Variants in LRP1B observed in about 807,000 individuals in gnomAD.
LRP1B encodes low-density lipoprotein receptor-related protein 1B.
In LRP1B, 217 loss-of-function variants were observed where a neutral mutation model predicts 556.6. The observed-to-expected ratio is 0.39, with a 90% CI of 0.35 to 0.44. The LOEUF (loss-of-function observed/expected upper bound fraction) is 0.44. Among genes scored for constraint, LRP1B ranks in the 20% least tolerant of loss-of-function variants. The probability of loss-of-function intolerance (pLI) is 1.00; values close to 1 mark genes in which losing one functional copy is unlikely to be tolerated. For synonymous variants in LRP1B, 2,047 were observed against 1,865.8 expected, an observed-to-expected ratio of 1.10 and a Z score of -2.50; for missense variants, 5,053 against 5,620.8, an observed-to-expected ratio of 0.90 and a Z score of 3.23.
At chr2:142,014,381 T>C (rs1005035659) in intron 1 of LRP1B, among the ~76,000 whole-genome samples, 5 of 152,156 alleles carry the variant, frequency 3.3e-5, no homozygotes, top group East Asian at 3.9e-4. Context: ...ATTTAGTAGC[T>C]TTTATTTGAA....
At chr2:140,732,134 C>T (rs536856885) in intron 35 of LRP1B, among the ~76,000 whole-genome samples, 2 of 151,220 alleles carry the variant, frequency 1.3e-5, no homozygotes, top group South Asian at 4.2e-4. Flanking sequence ...TGAATTGAAG[C>T]TGGTGATGGG....
intron 86 of LRP1B, among the ~76,000 whole-genome samples, chr2:140,259,249 T>G (rs1573697333): frequency 6.6e-6 from 1 of 152,042 alleles, no homozygotes; most frequent in Non-Finnish European, 1.5e-5. Flanking sequence ...CCTCTTATTC[T>G]CCATCTATTT....
At chr2:140,961,368 A>T (rs191680735) in intron 18 of LRP1B, among the ~76,000 whole-genome samples, 2 of 152,160 alleles carry the variant, frequency 1.3e-5, no homozygotes, top group African/African-American at 4.8e-5. Flanking sequence ...TAGGTCACAA[A>T]GCAGTCGCAA....
At chr2:140,309,679 TATA>T (rs1236291209) in intron 83 of LRP1B, among the ~76,000 whole-genome samples, 1 of 151,810 alleles carries the variant, frequency 6.6e-6, no homozygotes, top group Non-Finnish European at 1.5e-5. Context: ...TAGTTTCTAA[TATA>T]ATTATTGTTG....
Position 140,798,623 on chromosome 2 carries a change from A to G in LRP1B, c.5359+15034T>C, listed in dbSNP as rs770379685. ...CCAGCACTATTGGCATTTTACCCCA[A>G]ATAGTTCCTTGTTATGGGGGCTGTC... On this transcript the variant is annotated intron_variant, in intron 32 of 90. Coordinates refer to ENST00000389484, the MANE Select transcript of LRP1B (RefSeq NM_018557.3). Among the ~76,000 whole-genome samples, 5 of 152,284 alleles carry G rather than the reference A, an allele frequency of 3.3e-5. No individual in the cohort carries two copies. The East Asian group carries it at 7.7e-4, about 24-fold the overall frequency.
At chr2:140,492,738 C>T (rs756350659) in intron 56 of LRP1B, 45 bp from the exon 57 acceptor site, 2 of 1,281,606 alleles carry the variant, frequency 1.6e-6, no homozygotes, top group Non-Finnish European at 1.1e-6. Context: ...AGTATGTATG[C>T]TTTTCCCCTT....
At chr2:140,389,982 T>C (rs1488534753) in intron 66 of LRP1B, among the ~76,000 whole-genome samples, 1 of 151,870 alleles carries the variant, frequency 6.6e-6, no homozygotes, top group African/African-American at 2.4e-5. Flanking sequence ...ACATGAAAAT[T>C]AGCCAGGTGT....
rs552339377 is a variant in LRP1B, at chr2:141,441,059, T to TTTTTTTA, written c.343+39330_343+39336dup. Reference sequence around the variant, plus strand: ...GTGTGAGGCTGAGAAGCCCTGATTTTTTTTTTATTTTTTATTTTTTATTTT... The same window carrying TTTTTTTA: ...GTGTGAGGCTGAGAAGCCCTGATTTTTTTTTTATTTTTTATTTTTTATTTTTTATTTT... On this transcript the variant is annotated intron_variant, in intron 3 of 90. Transcript: ENST00000389484. Among the ~76,000 whole-genome samples, 26 of 152,194 alleles carry TTTTTTTA rather than the reference T, an allele frequency of 1.7e-4. No individual in the cohort carries two copies. In the South Asian group the frequency reaches 3.9e-3, roughly 23 times the overall value.
At chr2:140,806,999 T>C (rs1288353783) in intron 32 of LRP1B, among the ~76,000 whole-genome samples, 2 of 152,184 alleles carry the variant, frequency 1.3e-5, no homozygotes, top group Admixed American at 1.3e-4. Context: ...AAGAAATATG[T>C]TAAATAAAAT....
At chr2:140,553,645 A>C (rs1415855350) in intron 43 of LRP1B, among the ~76,000 whole-genome samples, 1 of 152,048 alleles carries the variant, frequency 6.6e-6, no homozygotes, top group African/African-American at 2.4e-5. Flanking sequence ...TGAAGCAAGA[A>C]ATAGCTAGTG....
intron 59 of LRP1B, among the ~76,000 whole-genome samples, chr2:140,481,210 A>T (rs1029895538): frequency 1.3e-5 from 2 of 152,200 alleles, no homozygotes; most frequent in African/African-American, 4.8e-5. Context: ...ATAATTGTCA[A>T]CATGGAAGAA....
chr2:141,131,252 T>C (rs1701344258), intron 7 of LRP1B, among the ~76,000 whole-genome samples: 1 of 151,882 alleles, frequency 6.6e-6, no homozygotes, highest in Non-Finnish European at 1.5e-5. Flanking sequence ...ATCTATTCAA[T>C]AAAAATTTTA....
At chr2:141,846,181 C>A (rs76783919) in intron 1 of LRP1B, among the ~76,000 whole-genome samples, 1 of 151,220 alleles carries the variant, frequency 6.6e-6, no homozygotes, top group African/African-American at 2.4e-5. Context: ...GATGAGTAGA[C>A]TAAAAAATAC....
intron 6 of LRP1B, among the ~76,000 whole-genome samples, chr2:141,202,540 A>G (rs1682078972): frequency 6.6e-6 from 1 of 152,064 alleles, no homozygotes; most frequent in Admixed American, 6.6e-5. Context: ...CCAACAGTGT[A>G]TGAGTGTTCC....
intron 1 of LRP1B, among the ~76,000 whole-genome samples, chr2:141,980,366 C>T (rs1402459098): frequency 2.0e-5 from 3 of 152,032 alleles, no homozygotes; most frequent in South Asian, 2.1e-4. Context: ...TGCACAATTA[C>T]GTGGGTTTAA....
intron 41 of LRP1B, among the ~76,000 whole-genome samples, chr2:140,644,086 C>T (rs114912033): frequency 0.017 from 2,627 of 152,234 alleles, 43 homozygotes; most frequent in Admixed American, 0.046. Context: ...TTTCCCTCTG[C>T]GTGCTGATTC....
intron 35 of LRP1B, among the ~76,000 whole-genome samples, chr2:140,755,492 G>A (rs1182154807): frequency 6.6e-6 from 1 of 151,776 alleles, no homozygotes. Flanking sequence ...TATTCCATCT[G>A]TACTCAAAGC....
At chr2:141,285,367 G>C (rs1056217399) in intron 3 of LRP1B, among the ~76,000 whole-genome samples, 2 of 151,402 alleles carry the variant, frequency 1.3e-5, no homozygotes, top group Admixed American at 1.3e-4. Context: ...GATTACAGGC[G>C]TGAGCTACCA....
Position 140,596,137 on chromosome 2 carries a change from G to C in LRP1B, c.7194+2494C>G, listed in dbSNP as rs925905291. Among the ~76,000 whole-genome samples, 4 of 152,238 alleles carry C rather than the reference G, an allele frequency of 2.6e-5. 1 individual carries two copies. The highest frequency in any genetic ancestry group is 9.6e-5 in the African/African-American group (4 of 41,534). ...AGAGTTGCTGTAACATCTGTCTAAG[G>C]CTTCAGAATATCTATTAAACAGTTT... On this transcript the variant is annotated intron_variant, in intron 43 of 90. Coordinates refer to ENST00000389484, the MANE Select transcript of LRP1B (RefSeq NM_018557.3).
Sources: allele counts gnomAD v4.1 joint callset (sites outside exome capture counted in the v4.1 genomes callset), GRCh38; gene constraint gnomAD v4.1.1; transcripts MANE v1.5; gene names NCBI Gene and HGNC (gene_info 2026-07-23, HGNC 2026-07-21).